The following PPM1L variants were observed in gnomAD, a reference collection of about 807,000 sequenced individuals.
PPM1L encodes protein phosphatase 1L.
Under a neutral mutation model 31.4 loss-of-function variants are expected in PPM1L, and 13 were observed. The observed-to-expected ratio is 0.41, with a 90% confidence interval of 0.27 to 0.66. The LOEUF (loss-of-function observed/expected upper bound fraction) is 0.66. Among genes scored for constraint, PPM1L ranks in the 30% least tolerant of loss-of-function variants. PPM1L has a pLI of 0.29. For missense variants in PPM1L, 326 were observed against 453.7 expected, an observed-to-expected ratio of 0.72 and a Z score of 2.56; for synonymous variants, 184 against 175.4, an observed-to-expected ratio of 1.05 and a Z score of -0.39.
intron 3 of PPM1L, among the ~76,000 whole-genome samples, chr3:161,066,884 T>C (rs945045236): frequency 6.6e-6 from 1 of 152,258 alleles, no homozygotes; most frequent in African/African-American, 2.4e-5. Flanking sequence ...ATGTGTTGAA[T>C]TTTATTACAA....
intron 1 of PPM1L, among the ~76,000 whole-genome samples, chr3:160,945,773 C>T (rs1281842228): frequency 6.6e-6 from 1 of 152,104 alleles, no homozygotes; most frequent in Non-Finnish European, 1.5e-5. Flanking sequence ...CCTCCTTTTT[C>T]TCCTCCTCCT....
chr3:160,948,406 C>T (rs1204399465), intron 1 of PPM1L, among the ~76,000 whole-genome samples: 1 of 152,170 alleles, frequency 6.6e-6, no homozygotes, highest in Non-Finnish European at 1.5e-5. Flanking sequence ...TTCCCTTCTG[C>T]TATATTTTGC....
intron 1 of PPM1L, among the ~76,000 whole-genome samples, chr3:160,835,934 A>C (rs1395279922): frequency 6.6e-6 from 1 of 151,812 alleles, no homozygotes; most frequent in Non-Finnish European, 1.5e-5. Context: ...GTATCTAGGG[A>C]TACCCCCTGG....
chr3:161,029,053 G>A (rs1197262086), intron 2 of PPM1L, among the ~76,000 whole-genome samples: 3 of 152,172 alleles, frequency 2.0e-5, no homozygotes, highest in African/African-American at 7.2e-5. Flanking sequence ...CTCAGTTCTA[G>A]TGTCAGAGCC....
chr3:160,894,972 TC>T (rs2108049071), intron 1 of PPM1L, among the ~76,000 whole-genome samples: 1 of 152,328 alleles, frequency 6.6e-6, no homozygotes, highest in Admixed American at 6.5e-5. Context: ...CCACCTTTTT[TC>T]CTATACCTTT....
At chr3:161,004,118 T>C (rs1315425231) in intron 2 of PPM1L, among the ~76,000 whole-genome samples, 8 of 143,850 alleles carry the variant, frequency 5.6e-5, no homozygotes, top group East Asian at 4.1e-4. Flanking sequence ...TTGTCTTTGG[T>C]TCTGTTTATA....
At chr3:161,039,259 C>T (rs1718838759) in intron 2 of PPM1L, among the ~76,000 whole-genome samples, 1 of 152,158 alleles carries the variant, frequency 6.6e-6, no homozygotes, top group Non-Finnish European at 1.5e-5. Context: ...GATCCAAGAA[C>T]TCTCTTTTGG....
At chr3:160,975,857 C>T (rs1336813927) in intron 2 of PPM1L, among the ~76,000 whole-genome samples, 7 of 148,008 alleles carry the variant, frequency 4.7e-5, no homozygotes, top group African/African-American at 1.7e-4. Context: ...TAATTGAATA[C>T]CCTTTATTTC....
chr3:160,884,078 T>A (rs1576688880), intron 1 of PPM1L, among the ~76,000 whole-genome samples: 6 of 147,288 alleles, frequency 4.1e-5, no homozygotes, highest in Admixed American at 4.1e-4. Context: ...TCAAAAACCA[T>A]TTTTTTTTTC....
At chr3:160,831,306 G>C (rs116099888) in intron 1 of PPM1L, among the ~76,000 whole-genome samples, 6,180 of 152,230 alleles carry the variant, frequency 0.041, 427 homozygotes, top group African/African-American at 0.14. Flanking sequence ...TTAGTGATGA[G>C]TTGGGACAAG....
intron 2 of PPM1L, among the ~76,000 whole-genome samples, chr3:161,001,774 C>T (rs900156645): frequency 6.6e-6 from 1 of 152,074 alleles, no homozygotes; most frequent in Non-Finnish European, 1.5e-5. Context: ...CCACTCATAA[C>T]TAAGTATGAA....
chr3:160,855,255 C>G (rs1055812747), intron 1 of PPM1L, among the ~76,000 whole-genome samples: 2 of 152,062 alleles, frequency 1.3e-5, no homozygotes, highest in East Asian at 1.9e-4. Flanking sequence ...AATATAAAAC[C>G]TAAAGCTATA....
intron 1 of PPM1L, among the ~76,000 whole-genome samples, chr3:160,942,235 CT>C (rs1454951566): frequency 1.4e-4 from 22 of 152,110 alleles, no homozygotes; most frequent in Non-Finnish European, 4.4e-5. Flanking sequence ...TTGGCGACTG[CT>C]TTTTTCATTC....
At chr3:160,849,581 C>T (rs62270265) in intron 1 of PPM1L, among the ~76,000 whole-genome samples, 4,582 of 151,736 alleles carry the variant, frequency 0.03, 97 homozygotes, top group Middle Eastern at 0.11. Flanking sequence ...CCACCACGCC[C>T]GGCTAATTTT....
chr3:160,836,690 C>T (rs1206056876), intron 1 of PPM1L, among the ~76,000 whole-genome samples: 1 of 152,166 alleles, frequency 6.6e-6, no homozygotes, highest in Non-Finnish European at 1.5e-5. Flanking sequence ...GTAGTTTGGA[C>T]ACTTTCTGTG....
At chr3:161,041,165 A>G (rs1331570123) in intron 2 of PPM1L, among the ~76,000 whole-genome samples, 2 of 152,190 alleles carry the variant, frequency 1.3e-5, no homozygotes, top group East Asian at 3.9e-4. Flanking sequence ...TCTTTAGACA[A>G]ACTCAACCAA....
At chr3:160,829,397 G>A (rs1713452840) in intron 1 of PPM1L, among the ~76,000 whole-genome samples, 1 of 152,130 alleles carries the variant, frequency 6.6e-6, no homozygotes, top group Admixed American at 6.6e-5. Flanking sequence ...GCTGTCAGAA[G>A]TGACATTTCC....
At chr3:161,010,640 A>G (rs1370806581) in intron 2 of PPM1L, among the ~76,000 whole-genome samples, 1 of 152,220 alleles carries the variant, frequency 6.6e-6, no homozygotes, top group Non-Finnish European at 1.5e-5. Flanking sequence ...AGTCCCACCA[A>G]CAGTGTAAAA....
At chr3:160,777,719 T>C (rs1380439979) in intron 1 of PPM1L, among the ~76,000 whole-genome samples, 1 of 152,202 alleles carries the variant, frequency 6.6e-6, no homozygotes, top group Non-Finnish European at 1.5e-5. Flanking sequence ...TCAAATAATA[T>C]TCCATTGTGT....
Sources: allele counts gnomAD v4.1 joint callset (sites outside exome capture counted in the v4.1 genomes callset), GRCh38; gene constraint gnomAD v4.1.1; transcripts MANE v1.5; gene names NCBI Gene and HGNC (gene_info 2026-07-23, HGNC 2026-07-21).